MPHOSPH6: variants seen among roughly 807,000 people sequenced by gnomAD.
MPHOSPH6 encodes the protein M-phase phosphoprotein 6.
Under a neutral mutation model 21.8 loss-of-function variants are expected in MPHOSPH6, and 25 were observed. The ratio of observed to expected loss-of-function variants is 1.15; its 90% CI spans 0.83 to 1.60. The LOEUF (loss-of-function observed/expected upper bound fraction) is 1.60, where lower values mean the gene tolerates loss of function less well. Among genes scored for constraint, MPHOSPH6 ranks in the 40% most tolerant of loss-of-function variants. MPHOSPH6 has a pLI of 0.00. For missense variants in MPHOSPH6, 269 were observed against 181.8 expected (o/e 1.48, Z -2.76); for synonymous variants, 84 against 56.5 (o/e 1.49, Z -2.18).
chr16:82,150,355 T>G (rs1417799236), intron 3 of MPHOSPH6, among the ~76,000 whole-genome samples: 1 of 151,966 alleles, frequency 6.6e-6, no homozygotes, highest in South Asian at 2.1e-4. Context: ...GCCCAGCCCC[T>G]CTCCTTCTCA....
At chr16:82,156,848 C>G (rs1906443354) in intron 2 of MPHOSPH6, among the ~76,000 whole-genome samples, 1 of 152,090 alleles carries the variant, frequency 6.6e-6, no homozygotes, top group African/African-American at 2.4e-5. Context: ...CAGCGATCAC[C>G]TGAGATCAGG....
intron 2 of MPHOSPH6, among the ~76,000 whole-genome samples, chr16:82,158,526 T>C (rs1444511489): frequency 7.0e-6 from 1 of 143,142 alleles, no homozygotes; most frequent in African/African-American, 2.6e-5. Flanking sequence ...AAAAAAAAGA[T>C]ACTTCATCAT....
chr16:82,151,435 G>A lies in MPHOSPH6; in HGVS notation c.244C>T (p.Pro82Ser), dbSNP rs748262996. The A allele has an allele frequency of 5.6e-6, 9 of 1,605,232 alleles. No individual in the cohort carries two copies. In the African/African-American group the frequency reaches 1.1e-4, roughly 19 times the overall value. ...ATTATATTTAATACCTCAACCTCAG[G>A]ATTAAATCCTCTGAATGACATTCTT... ...YGRMSFRGFN[P>S]EVEKLMLQMN... The change falls in exon 3 of 5, where the codon CCT becomes TCT. Residue 82 changes from proline to serine, a missense_variant. By Grantham distance (74) the Pro-to-Ser change is moderately conservative. Transcript: ENST00000258169.
intron 3 of MPHOSPH6, among the ~76,000 whole-genome samples, chr16:82,150,920 T>C (rs927917620): frequency 1.4e-4 from 21 of 152,248 alleles, no homozygotes; most frequent in African/African-American, 5.1e-4. Flanking sequence ...TTCTCTATCC[T>C]GGAGCAGGAA....
At chr16:82,153,404 G>A (rs1023927006) in intron 2 of MPHOSPH6, among the ~76,000 whole-genome samples, 1 of 152,216 alleles carries the variant, frequency 6.6e-6, no homozygotes. Flanking sequence ...AAAATCAAAT[G>A]AAGTAGACCC....
Position 82,151,500 on chromosome 16 carries a change from T to C in MPHOSPH6, c.179A>G (p.Glu60Gly). Residue 60 changes from glutamate (E) to glycine (G), a missense_variant, in exon 3 of 5, where the codon GAA (glutamate) becomes GGA (glycine). Physicochemically the swap from Glu to Gly is moderately conservative, Grantham distance 98. Transcript: ENST00000258169. ...TTCACATAGTAAGAAACTCTGCTCTTCTATTATGAAACTCCTAAATGGGAA... is the reference window on the plus strand; with the variant it reads ...TTCACATAGTAAGAAACTCTGCTCTCCTATTATGAAACTCCTAAATGGGAA... Reference protein sequence around the residue: ...ELKEKESFIIEEQSFLLCEDL... With the variant: ...ELKEKESFIIGEQSFLLCEDL... 6.3e-7 allele frequency: 1 copy of C among 1,590,502 alleles called. No individual in the cohort carries two copies. Among genetic ancestry groups the C allele is most frequent in the Non-Finnish European group, 8.5e-7 (1 of 1,170,612 alleles).
At chr16:82,158,174 C>G (rs76663982) in intron 2 of MPHOSPH6, among the ~76,000 whole-genome samples, 23 of 151,964 alleles carry the variant, frequency 1.5e-4, no homozygotes, top group African/African-American at 5.5e-4. Flanking sequence ...ATTCGGTATA[C>G]GAAATTGAAA....
chr16:82,153,595 G>A (rs924880764), intron 2 of MPHOSPH6, among the ~76,000 whole-genome samples: 2 of 152,212 alleles, frequency 1.3e-5, no homozygotes, highest in Non-Finnish European at 1.5e-5. Flanking sequence ...GAATATCTGG[G>A]TGAGGATACC....
chr16:82,151,584 T>TA (rs1311140974), intron 2 of MPHOSPH6, 70 bp from the exon 3 acceptor site: 25 of 1,468,754 alleles, frequency 1.7e-5, no homozygotes, highest in East Asian at 4.7e-5. Flanking sequence ...ACACTTTGAA[T>TA]AAAAAAAATA....
intron 2 of MPHOSPH6, among the ~76,000 whole-genome samples, chr16:82,153,688 G>A (rs142547355): frequency 1.1e-3 from 170 of 152,356 alleles, no homozygotes; most frequent in African/African-American, 3.8e-3. Context: ...AGCTGCACAT[G>A]TGCAGGATGA....
intron 2 of MPHOSPH6, among the ~76,000 whole-genome samples, chr16:82,152,376 T>A (rs1369386041): frequency 6.6e-6 from 1 of 152,154 alleles, no homozygotes; most frequent in Non-Finnish European, 1.5e-5. Context: ...GTGTTATCAG[T>A]CAGAGCTCTT....
chr16:82,151,122 A>G, intron 3 of MPHOSPH6: 1 of 199,210 alleles, frequency 5.0e-6, no homozygotes, highest in Non-Finnish European at 1.0e-5. Context: ...AACTTTTCAT[A>G]ATAGCATGAT....
intron 2 of MPHOSPH6, among the ~76,000 whole-genome samples, chr16:82,158,631 T>G (rs1906509611): frequency 6.6e-6 from 1 of 152,106 alleles, no homozygotes; most frequent in Admixed American, 6.5e-5. Flanking sequence ...TTTGCGGGTT[T>G]GGGTTCTTTG....
At chr16:82,170,080 C>T (rs1309151697) in intron 1 of MPHOSPH6, 45 bp downstream of exon 1, 8 of 1,563,310 alleles carry the variant, frequency 5.1e-6, no homozygotes, top group Non-Finnish European at 6.9e-6. Context: ...TTGGAAGGAC[C>T]GGGTGCCCCT....
intron 2 of MPHOSPH6, among the ~76,000 whole-genome samples, chr16:82,163,382 C>T (rs998348680): frequency 6.6e-6 from 1 of 152,186 alleles, no homozygotes; most frequent in Admixed American, 6.5e-5. Flanking sequence ...ATCCAACACT[C>T]CTTCATTCAA....
rs3751862 is a variant in MPHOSPH6, at chr16:82,148,624, A to G, written c.*107T>C. 1 of 1,327,172 alleles carries G rather than the reference A, an allele frequency of 7.5e-7. No homozygotes were observed. The highest frequency in any genetic ancestry group is 1.5e-5 in the African/African-American group (1 of 68,230). 82.2% of individuals were successfully genotyped at this position (1,327,172 alleles called of 1,614,324 possible). A position where few individuals can be genotyped will look rare whatever the true frequency, so the allele number is the denominator to read the frequency against. The stretch of plus-strand genomic sequence containing the variant: ...TTTCTAAAATGATAATCTCTTTACA[A>G]GTAAACGTTACAGTATTAATAACTA... On this transcript the variant is annotated 3_prime_UTR_variant, in exon 5 of 5. Coordinates refer to ENST00000258169, the MANE Select transcript of MPHOSPH6 (RefSeq NM_005792.2).
chr16:82,148,909 T>A (rs372825002), intron 4 of MPHOSPH6, 46 bp from the exon 5 acceptor site: 9 of 1,607,914 alleles, frequency 5.6e-6, no homozygotes, highest in East Asian at 2.2e-5. Flanking sequence ...AATAAAAAGG[T>A]AGGGATCAAG....
intron 2 of MPHOSPH6, among the ~76,000 whole-genome samples, chr16:82,159,320 A>G (rs76271454): frequency 0.12 from 17,918 of 152,212 alleles, 1,295 homozygotes; most frequent in East Asian, 0.29. Flanking sequence ...TAGGTAATGA[A>G]TTTGTTATTT....
chr16:82,167,077 A>C (rs888176177), intron 1 of MPHOSPH6, among the ~76,000 whole-genome samples: 3 of 151,004 alleles, frequency 2.0e-5, no homozygotes, highest in Non-Finnish European at 4.4e-5. Context: ...TCGGTCTTGA[A>C]CAACACTGGC....
Sources: allele counts gnomAD v4.1 joint callset (sites outside exome capture counted in the v4.1 genomes callset), GRCh38; gene constraint gnomAD v4.1.1; transcripts MANE v1.5; gene names NCBI Gene and HGNC (gene_info 2026-07-23, HGNC 2026-07-21).